Variants in SSBP2 observed in about 807,000 individuals in gnomAD.
SSBP2 encodes the protein single-stranded DNA-binding protein 2.
In SSBP2, 17 loss-of-function variants were observed where a neutral mutation model predicts 61.8. The observed-to-expected ratio is 0.28, with a 90% CI of 0.19 to 0.41. The LOEUF (loss-of-function observed/expected upper bound fraction) is 0.41, where lower values mean the gene tolerates loss of function less well. Ranked by LOEUF, SSBP2 falls within the 10% of genes least tolerant of loss-of-function variation. SSBP2 has a pLI of 1.00. For missense variants in SSBP2, 310 were observed against 458.7 expected (o/e 0.68, Z 2.96); for synonymous variants, 139 against 141.3 (o/e 0.98, Z 0.12).
In SSBP2 at chr5:81,680,789, G is replaced by C. The variant is rs999119396; in HGVS notation, c.63-30450C>G. On this transcript the variant is annotated intron_variant, in intron 1 of 16. Transcript: ENST00000320672. ...GAGGTAAAAACTGATAGAACTACAA[G>C]GAGAAATAGATGAACCTACTATTGT... Among the ~76,000 whole-genome samples the C allele has an allele frequency of 1.2e-3, 187 of 152,268 alleles. 2 individuals carry two copies. Among genetic ancestry groups the C allele is most frequent in the African/African-American group, 4.4e-3 (183 of 41,548 alleles).
At chr5:81,554,523 C>G (rs1433849065) in intron 4 of SSBP2, among the ~76,000 whole-genome samples, 2 of 151,336 alleles carry the variant, frequency 1.3e-5, no homozygotes, top group Non-Finnish European at 3.0e-5. Flanking sequence ...CTATGTATAT[C>G]CACATATATT....
At chr5:81,502,684 T>A (rs1767887909) in intron 5 of SSBP2, among the ~76,000 whole-genome samples, 1 of 152,182 alleles carries the variant, frequency 6.6e-6, no homozygotes, top group South Asian at 2.1e-4. Flanking sequence ...TTTATACACA[T>A]CAGTAAACAT....
At chr5:81,532,553 A>T (rs1352349112) in intron 4 of SSBP2, among the ~76,000 whole-genome samples, 2 of 152,048 alleles carry the variant, frequency 1.3e-5, no homozygotes, top group African/African-American at 4.8e-5. Context: ...TAATTCAAAA[A>T]TAAAGATTTT....
At chr5:81,669,233 G>A (rs1398399937) in intron 1 of SSBP2, among the ~76,000 whole-genome samples, 1 of 152,164 alleles carries the variant, frequency 6.6e-6, no homozygotes. Context: ...CATTGCTGGT[G>A]GGAATGCAAA....
chr5:81,717,914 T>A (rs925480138), intron 1 of SSBP2, among the ~76,000 whole-genome samples: 3 of 152,178 alleles, frequency 2.0e-5, no homozygotes, highest in Admixed American at 6.5e-5. Context: ...CAATGGAGGA[T>A]ACATGGTTGT....
intron 4 of SSBP2, among the ~76,000 whole-genome samples, chr5:81,578,080 A>T (rs1324559755): frequency 6.6e-6 from 1 of 152,196 alleles, no homozygotes; most frequent in East Asian, 1.9e-4. Context: ...ATTTAAACCG[A>T]GGTAGATAGA....
intron 4 of SSBP2, among the ~76,000 whole-genome samples, chr5:81,595,992 G>A (rs78180084): frequency 1.3e-5 from 2 of 150,910 alleles, no homozygotes; most frequent in African/African-American, 2.4e-5. Context: ...CATAGTGTTG[G>A]ATAGGCAGGA....
intron 4 of SSBP2, among the ~76,000 whole-genome samples, chr5:81,591,199 C>A (rs530430922): frequency 9.2e-5 from 14 of 152,290 alleles, no homozygotes; most frequent in Admixed American, 5.9e-4. Context: ...CTAGAGAAAT[C>A]TGAAACCTGT....
intron 4 of SSBP2, among the ~76,000 whole-genome samples, chr5:81,533,959 A>G (rs955318567): frequency 6.6e-6 from 1 of 152,126 alleles, no homozygotes; most frequent in East Asian, 1.9e-4. Flanking sequence ...AAAAGGAAAA[A>G]GAACCATTCT....
At chr5:81,505,145 C>T (rs1724839783) in intron 5 of SSBP2, among the ~76,000 whole-genome samples, 1 of 144,680 alleles carries the variant, frequency 6.9e-6, no homozygotes, top group Non-Finnish European at 1.6e-5. Flanking sequence ...TGCTGCCCAT[C>T]ACCTGTTTTT....
intron 5 of SSBP2, among the ~76,000 whole-genome samples, chr5:81,497,256 G>A (rs1053977588): frequency 1.3e-5 from 2 of 152,112 alleles, no homozygotes; most frequent in African/African-American, 4.8e-5. Flanking sequence ...AATGGGTACG[G>A]TATTAATTAT....
rs1469444638 is a variant in SSBP2, at chr5:81,522,821, A to T, written c.283-9104T>A. Among the ~76,000 whole-genome samples the T allele has an allele frequency of 3.3e-5, 5 of 152,158 alleles. No individual in the cohort carries two copies. In the South Asian group the frequency reaches 1.0e-3, roughly 32 times the overall value. ...GAGAACCAGTATCATTCACTGTGCT[A>T]CTTTTTTTGGTCTGTTTTTCAATCA... On this transcript the variant is annotated intron_variant, in intron 4 of 16. Coordinates refer to ENST00000320672, the MANE Select transcript of SSBP2 (RefSeq NM_012446.5).
intron 1 of SSBP2, among the ~76,000 whole-genome samples, chr5:81,677,368 G>T (rs926381674): frequency 1.3e-5 from 2 of 152,070 alleles, no homozygotes; most frequent in Non-Finnish European, 2.9e-5. Context: ...GAGACAGGCA[G>T]GTATAGAGAA....
chr5:81,512,173 T>C (rs1288207859), intron 5 of SSBP2, among the ~76,000 whole-genome samples: 1 of 152,160 alleles, frequency 6.6e-6, no homozygotes, highest in Admixed American at 6.6e-5. Flanking sequence ...TAAAATGAAC[T>C]GGAAATATTT....
intron 8 of SSBP2, among the ~76,000 whole-genome samples, chr5:81,470,860 TCA>T (rs1381871361): frequency 1.3e-5 from 2 of 151,854 alleles, no homozygotes; most frequent in East Asian, 1.9e-4. Flanking sequence ...ATCACAAATT[TCA>T]CAGTTTATAA....
chr5:81,731,038 GC>G (rs1325335476), intron 1 of SSBP2, among the ~76,000 whole-genome samples: 3 of 152,146 alleles, frequency 2.0e-5, no homozygotes, highest in African/African-American at 7.2e-5. Context: ...TTTCCATCCT[GC>G]AAAACTGAAA....
rs144079207 is a variant in SSBP2, at chr5:81,505,057, C to T, written c.372+8571G>A. ...CCCTTAGAGAAACGCTGGTCCTTAC[C>T]CTTTGGATCTCTCATAGGCTACCTT... On this transcript the variant is annotated intron_variant, in intron 5 of 16. Transcript: ENST00000320672. Among the ~76,000 whole-genome samples the T allele has an allele frequency of 1.8e-3, 269 of 152,300 alleles. 1 individual carries two copies. Among genetic ancestry groups the T allele is most frequent in the Middle Eastern group, 3.4e-3 (1 of 294 alleles).
At chr5:81,558,374 G>C (rs1243622769) in intron 4 of SSBP2, among the ~76,000 whole-genome samples, 1 of 152,122 alleles carries the variant, frequency 6.6e-6, no homozygotes, top group Non-Finnish European at 1.5e-5. Context: ...CTGGTGTCTG[G>C]TGAGGACACA....
intron 1 of SSBP2, among the ~76,000 whole-genome samples, chr5:81,706,991 C>T (rs755959026): frequency 5.9e-5 from 9 of 152,074 alleles, no homozygotes; most frequent in Non-Finnish European, 1.0e-4. Flanking sequence ...AAGAAAATTT[C>T]AGGGAAATAA....
Sources: gnomAD v4.1 joint callset for allele counts (sites outside exome capture counted in the v4.1 genomes callset) on GRCh38, gnomAD v4.1.1 for gene constraint, MANE v1.5 for transcripts, NCBI Gene and HGNC (gene_info 2026-07-23, HGNC 2026-07-21) for gene names.